The following ZNF474 variants were observed in gnomAD, a reference collection of about 807,000 sequenced individuals.
ZNF474 encodes zinc finger protein 474, also known as 4933409D10Rik.
For synonymous variants in ZNF474, 192 were observed against 162.2 expected, an observed-to-expected ratio of 1.18 and a Z score of -1.39; for missense variants, 511 against 433.8, an observed-to-expected ratio of 1.18 and a Z score of -1.58.
chr5:122,151,338 G>A (rs1451849931), intron 1 of ZNF474, among the ~76,000 whole-genome samples: 1 of 152,154 alleles, frequency 6.6e-6, no homozygotes, highest in Non-Finnish European at 1.5e-5. Flanking sequence ...AACAAGTTAA[G>A]GATCTCTGAC....
intron 1 of ZNF474, among the ~76,000 whole-genome samples, chr5:122,138,418 C>G (rs1296294954): frequency 6.6e-6 from 1 of 152,114 alleles, no homozygotes; most frequent in Non-Finnish European, 1.5e-5. Flanking sequence ...TCAGCCTGGC[C>G]TCACCACCAA....
chr5:122,149,750 T>A (rs1756114110), intron 1 of ZNF474, among the ~76,000 whole-genome samples: 1 of 152,206 alleles, frequency 6.6e-6, no homozygotes, highest in Non-Finnish European at 1.5e-5. Flanking sequence ...ACAAAAAATC[T>A]GTGCCCTATC....
intron 1 of ZNF474, among the ~76,000 whole-genome samples, chr5:122,140,404 C>T (rs1459065579): frequency 6.6e-6 from 1 of 152,132 alleles, no homozygotes; most frequent in Non-Finnish European, 1.5e-5. Flanking sequence ...CTTGAGGGAA[C>T]TGGGCAAGTG....
chr5:122,138,036 C>A (rs1580599675), intron 1 of ZNF474, among the ~76,000 whole-genome samples: 1 of 152,118 alleles, frequency 6.6e-6, no homozygotes, highest in East Asian at 1.9e-4. Context: ...GGAAATGCTT[C>A]TACATAAATT....
chr5:122,150,181 T>A (rs1756127990), intron 1 of ZNF474, among the ~76,000 whole-genome samples: 2 of 152,214 alleles, frequency 1.3e-5, no homozygotes, highest in Admixed American at 1.3e-4. Context: ...AATTTTACCC[T>A]ATTCCTATGT....
intron 1 of ZNF474, among the ~76,000 whole-genome samples, chr5:122,142,520 G>A (rs1213318343): frequency 6.6e-6 from 1 of 152,134 alleles, no homozygotes. Flanking sequence ...TCACCACATT[G>A]CATGTTTGTT....
At chr5:122,138,817 T>G (rs757474496) in intron 1 of ZNF474, among the ~76,000 whole-genome samples, 1 of 152,152 alleles carries the variant, frequency 6.6e-6, no homozygotes, top group Non-Finnish European at 1.5e-5. Context: ...TATTCATGTG[T>G]CTGAACAATT....
At chr5:122,134,462 G>A (rs1012506946) in intron 1 of ZNF474, among the ~76,000 whole-genome samples, 1 of 152,196 alleles carries the variant, frequency 6.6e-6, no homozygotes, top group Non-Finnish European at 1.5e-5. Context: ...TAACAGAAGG[G>A]TTAGAAAATT....
chr5:122,152,852 C>T lies in ZNF474; in HGVS notation c.862C>T (p.Pro288Ser), dbSNP rs769395254. The change falls in exon 2 of 2, where the codon CCA (proline) becomes TCA (serine). Residue 288 changes from proline to serine, a missense_variant. Pro to Ser is a moderately conservative substitution (Grantham distance 74). Coordinates refer to ENST00000296600, the MANE Select transcript of ZNF474 (RefSeq NM_207317.3). Reference sequence around the variant, plus strand: ...AAATCAAGCTCAGCTTGTGTTCTGCCCACATTGTAGCCGAATCTTTACCTC... The same window carrying T: ...AAATCAAGCTCAGCTTGTGTTCTGCTCACATTGTAGCCGAATCTTTACCTC... ...GPNQAQLVFC[P>S]HCSRIFTSDR... 1.2e-6 allele frequency: 2 copies of T among 1,614,152 alleles called. No individual in the cohort carries two copies. The highest frequency in any genetic ancestry group is 3.3e-5 in the Admixed American group (2 of 60,018).
chr5:122,129,880 T>C (rs1189180243), intron 1 of ZNF474, among the ~76,000 whole-genome samples, 197 bp downstream of exon 1: 2 of 152,188 alleles, frequency 1.3e-5, no homozygotes, highest in Non-Finnish European at 2.9e-5. Flanking sequence ...ATAATAATAA[T>C]TAGTTCTTAA....
chr5:122,150,199 A>G (rs903174318), intron 1 of ZNF474, among the ~76,000 whole-genome samples: 4 of 152,248 alleles, frequency 2.6e-5, no homozygotes, highest in Middle Eastern at 6.8e-3. Flanking sequence ...TGTTCCATAG[A>G]TCTACTTTCT....
At chr5:122,137,499 G>GGC (rs1411597988) in intron 1 of ZNF474, among the ~76,000 whole-genome samples, 19 of 142,506 alleles carry the variant, frequency 1.3e-4, no homozygotes, top group Non-Finnish European at 2.4e-4. Flanking sequence ...AAAGGCCTGA[G>GGC]TTGACAATAT....
intron 1 of ZNF474, among the ~76,000 whole-genome samples, chr5:122,130,347 C>G (rs972958112): frequency 6.6e-6 from 1 of 152,156 alleles, no homozygotes; most frequent in Non-Finnish European, 1.5e-5. Context: ...TCCAGCCAAT[C>G]TTCCCTCCAC....
intron 1 of ZNF474, among the ~76,000 whole-genome samples, chr5:122,138,410 A>G (rs573101001): frequency 6.5e-4 from 99 of 152,372 alleles, no homozygotes; most frequent in Middle Eastern, 3.4e-3. Context: ...TGATCTTCTC[A>G]GCCTGGCCTC....
At chr5:122,151,080 C>T (rs970288682) in intron 1 of ZNF474, among the ~76,000 whole-genome samples, 1 of 152,120 alleles carries the variant, frequency 6.6e-6, no homozygotes, top group Non-Finnish European at 1.5e-5. Flanking sequence ...CCTGATAATC[C>T]TCATAAGATT....
chr5:122,148,162 G>A (rs1756040005), intron 1 of ZNF474, among the ~76,000 whole-genome samples: 1 of 152,234 alleles, frequency 6.6e-6, no homozygotes, highest in Middle Eastern at 3.2e-3. Flanking sequence ...TATAAAGGGA[G>A]AGCAACCAAC....
chr5:122,150,979 A>G (rs369534753), intron 1 of ZNF474, among the ~76,000 whole-genome samples: 3 of 152,326 alleles, frequency 2.0e-5, no homozygotes, highest in African/African-American at 7.2e-5. Flanking sequence ...CTGGAGAATT[A>G]TAGCTCCACT....
Position 122,152,019 on chromosome 5 carries a change from C to T in ZNF474, c.29C>T (p.Ser10Phe), listed in dbSNP as rs776529361. Reference sequence around the variant, plus strand: ...GAAAGAGGAAAGAAGAAAAGAATTTCCAATAAGTTACAACAAACTTTTCAC... The same window carrying T: ...GAAAGAGGAAAGAAGAAAAGAATTTTCAATAAGTTACAACAAACTTTTCAC... MERGKKKRI[S>F]NKLQQTFHHS... Residue 10 changes from serine (S) to phenylalanine (F), a missense_variant, in exon 2 of 2, where the codon TCC becomes TTC. Physicochemically the swap from Ser to Phe is radical, Grantham distance 155. Transcript: ENST00000296600. 5 of 1,609,870 alleles carry T rather than the reference C, an allele frequency of 3.1e-6. No individual in the cohort carries two copies. The highest frequency in any genetic ancestry group is 2.5e-6 in the Non-Finnish European group (3 of 1,179,020).
At chr5:122,130,792 A>G (rs905435092) in intron 1 of ZNF474, among the ~76,000 whole-genome samples, 1 of 152,232 alleles carries the variant, frequency 6.6e-6, no homozygotes, top group Non-Finnish European at 1.5e-5. Flanking sequence ...AATGATTACC[A>G]CAATCAAGCT....
Sources: allele counts gnomAD v4.1 joint callset (sites outside exome capture counted in the v4.1 genomes callset), GRCh38; gene constraint gnomAD v4.1.1; transcripts MANE v1.5; gene names NCBI Gene and HGNC (gene_info 2026-07-23, HGNC 2026-07-21).